Variants in GRM7 observed in about 807,000 individuals in gnomAD.
GRM7 encodes the protein glutamate metabotropic receptor 7.
A neutral mutation model predicts 84.5 loss-of-function variants in GRM7; 35 were observed. The observed-to-expected ratio is 0.41, with a 90% confidence interval of 0.32 to 0.55. The LOEUF (loss-of-function observed/expected upper bound fraction) is 0.55, where lower values mean the gene tolerates loss of function less well. GRM7 is among the 20% of genes least tolerant of loss of function. GRM7 has a pLI of 0.19. For missense variants in GRM7, 1,003 were observed against 1,194.6 expected (o/e 0.84, Z 2.36); for synonymous variants, 487 against 455.1 (o/e 1.07, Z -0.89).
chr3:7,293,034 C>CAAAA lies in GRM7; in HGVS notation c.737-5636_737-5633dup, dbSNP rs142561309. On this transcript the variant is annotated intron_variant, in intron 2 of 9. Transcript: ENST00000357716. ...GGGGGACAAGAGCGAGACTTGGTCT[C>CAAAA]AAAAAAAAAAAAAAAAATTGAGCTT... Among the ~76,000 whole-genome samples the CAAAA allele has an allele frequency of 3.3e-5, 4 of 120,594 alleles. No homozygotes were observed. The East Asian group carries it at 7.5e-4, about 23-fold the overall frequency. The allele number at this position is 120,594 out of a possible 152,430, so 79.1% of individuals were successfully genotyped here.
chr3:7,290,964 C>T (rs980444343), intron 2 of GRM7, among the ~76,000 whole-genome samples: 1 of 152,036 alleles, frequency 6.6e-6, no homozygotes, highest in African/African-American at 2.4e-5. Context: ...CCCCTCCCCA[C>T]CCCCAGGTGC....
rs968148691 is a variant in GRM7 at position 7,132,407 on chromosome 3, T to C, written c.520-14045T>C. Among the ~76,000 whole-genome samples the C allele has an allele frequency of 1.6e-4, 25 of 152,150 alleles. 1 individual carries two copies. The highest frequency in any genetic ancestry group is 6.0e-4 in the African/African-American group (25 of 41,428). ...CTGGCCTACCTCATTAATTACTATA[T>C]CTGCAGTGCCTCAAATATACAAATT... On this transcript the variant is annotated intron_variant, in intron 1 of 9. Transcript: ENST00000357716.
chr3:7,403,353 A>C (rs369185811), intron 4 of GRM7, among the ~76,000 whole-genome samples: 5 of 151,818 alleles, frequency 3.3e-5, no homozygotes, highest in Admixed American at 2.0e-4. Context: ...TTATAAATGT[A>C]TAATTGTATG....
In GRM7 at chr3:7,261,902, C is replaced by CTCCCTCCCTCCCTTTCTCCCTTCCT. The variant is rs1553639171; in HGVS notation, c.737-36768_737-36767insTCTCCCTTCCTTCCCTCCCTCCCTT. Among the ~76,000 whole-genome samples the CTCCCTCCCTCCCTTTCTCCCTTCCT allele has an allele frequency of 2.1e-4, 17 of 82,906 alleles. 1 individual carries two copies. Among genetic ancestry groups the CTCCCTCCCTCCCTTTCTCCCTTCCT allele is most frequent in the African/African-American group, 7.3e-4 (14 of 19,268 alleles). The allele number at this position is 82,906 out of a possible 152,430, so 54.4% of individuals were successfully genotyped here. On this transcript the variant is annotated intron_variant, in intron 2 of 9. Transcript: ENST00000357716. Reference sequence around the variant, plus strand: ...CTGTCAGAATTCCCTCCCTCCCTCCCTCCCTCCCTCCCTTCCTCCCTTCCT... The same window carrying CTCCCTCCCTCCCTTTCTCCCTTCCT: ...CTGTCAGAATTCCCTCCCTCCCTCCCTCCCTCCCTCCCTTTCTCCCTTCCTTCCCTCCCTCCCTTCCTCCCTTCCT...
chr3:7,540,041 A>G (rs1440264565), intron 7 of GRM7, among the ~76,000 whole-genome samples: 1 of 152,250 alleles, frequency 6.6e-6, no homozygotes, highest in Admixed American at 6.5e-5. Context: ...ATTCCATTAT[A>G]AAAATAAGAT....
chr3:6,873,940 C>A (rs1414187190), intron 1 of GRM7, among the ~76,000 whole-genome samples: 1 of 152,202 alleles, frequency 6.6e-6, no homozygotes, highest in Non-Finnish European at 1.5e-5. Flanking sequence ...GTGAAATATT[C>A]ATACATCAGA....
At chr3:7,013,079 T>TC (rs1695436546) in intron 1 of GRM7, among the ~76,000 whole-genome samples, 1 of 151,450 alleles carries the variant, frequency 6.6e-6, no homozygotes. Flanking sequence ...AGACCACACC[T>TC]CTTTTGCCCT....
intron 2 of GRM7, among the ~76,000 whole-genome samples, chr3:7,229,737 ATATATATATATATATATATATATTTTT>A (rs1697107646): frequency 1.4e-4 from 3 of 21,878 alleles, no homozygotes; most frequent in African/African-American, 6.0e-4. Context: ...ATATATATAT[ATATATATATATATATATATATATTTTT>A]TTTTTTTTTT....
chr3:7,210,141 C>T (rs574545767), intron 2 of GRM7, among the ~76,000 whole-genome samples: 4 of 152,280 alleles, frequency 2.6e-5, no homozygotes, highest in Non-Finnish European at 5.9e-5. Flanking sequence ...ACTATTGCCA[C>T]ATTCTTCATG....
intron 4 of GRM7, among the ~76,000 whole-genome samples, chr3:7,408,232 A>G (rs1164144364): frequency 1.3e-5 from 2 of 152,186 alleles, no homozygotes; most frequent in Non-Finnish European, 2.9e-5. Flanking sequence ...TTCGGATTAC[A>G]TAAATGCCCT....
chr3:7,369,118 G>A (rs574774321), intron 4 of GRM7, among the ~76,000 whole-genome samples: 1 of 152,014 alleles, frequency 6.6e-6, no homozygotes, highest in African/African-American at 2.4e-5. Context: ...ATGGTGGCAC[G>A]ATCATAGTTC....
At chr3:6,939,202 C>G (rs1410369796) in intron 1 of GRM7, among the ~76,000 whole-genome samples, 1 of 151,524 alleles carries the variant, frequency 6.6e-6, no homozygotes, top group Admixed American at 6.6e-5. Context: ...CATATAGAAC[C>G]AAAAAAACAA....
chr3:7,004,751 T>C (rs991609706), intron 1 of GRM7, among the ~76,000 whole-genome samples: 2 of 152,208 alleles, frequency 1.3e-5, no homozygotes, highest in African/African-American at 4.8e-5. Context: ...ATCCAATCCA[T>C]GTTTTTCCCG....
At position 7,299,903 on chromosome 3, in the gene GRM7, TATAA is replaced by T. The variant is rs1284084226; in HGVS notation, c.878+1082_878+1085del. Among the ~76,000 whole-genome samples the T allele has an allele frequency of 4.6e-5, 7 of 152,086 alleles. No homozygotes were observed. The South Asian group carries it at 8.3e-4, about 18-fold the overall frequency. On this transcript the variant is annotated intron_variant, in intron 3 of 9. Coordinates refer to ENST00000357716, the MANE Select transcript of GRM7 (RefSeq NM_000844.4). ...TTTTGCACAAATCTGTGTGTATAAA[TATAA>T]ATAGACAAGTGTTAATCTACAATGT...
At chr3:7,245,343 TC>T (rs1252565066) in intron 2 of GRM7, among the ~76,000 whole-genome samples, 7 of 151,724 alleles carry the variant, frequency 4.6e-5, no homozygotes, top group Non-Finnish European at 1.0e-4. Flanking sequence ...TCAAATCATA[TC>T]TAGGACATCA....
chr3:6,933,736 TA>T (rs371242200), intron 1 of GRM7, among the ~76,000 whole-genome samples: 7,380 of 140,424 alleles, frequency 0.053, 207 homozygotes, highest in African/African-American at 0.064. Context: ...AAAAGAAAAT[TA>T]AAAAAAAAAA....
At chr3:7,105,798 T>G (rs2125027824) in intron 1 of GRM7, among the ~76,000 whole-genome samples, 1 of 152,002 alleles carries the variant, frequency 6.6e-6, no homozygotes, top group East Asian at 1.9e-4. Flanking sequence ...TTATTTTCTA[T>G]ATATGGTATT....
At chr3:7,626,409 A>G (rs1697614247) in intron 8 of GRM7, among the ~76,000 whole-genome samples, 1 of 152,198 alleles carries the variant, frequency 6.6e-6, no homozygotes, top group South Asian at 2.1e-4. Flanking sequence ...TAAAGACTGT[A>G]TTCATTTGCT....
intron 2 of GRM7, among the ~76,000 whole-genome samples, chr3:7,255,662 G>A (rs188887705): frequency 1.7e-3 from 256 of 152,304 alleles, no homozygotes; most frequent in Non-Finnish European, 2.9e-3. Context: ...AGAAGGCATG[G>A]AGGAGAGAAG....
Sources: gnomAD v4.1 joint callset for allele counts (sites outside exome capture counted in the v4.1 genomes callset) on GRCh38, gnomAD v4.1.1 for gene constraint, MANE v1.5 for transcripts, NCBI Gene and HGNC (gene_info 2026-07-23, HGNC 2026-07-21) for gene names.